The following ATAD2 variants were observed in gnomAD, a reference collection of about 807,000 sequenced individuals.
ATAD2 encodes ATPase family AAA domain-containing protein 2.
Under a neutral mutation model 168.9 loss-of-function variants are expected in ATAD2, and 62 were observed. The observed-to-expected ratio is 0.37, with a 90% CI of 0.30 to 0.45. The LOEUF (loss-of-function observed/expected upper bound fraction) is 0.45, where lower values mean the gene tolerates loss of function less well. ATAD2 is among the 20% of genes least tolerant of loss of function. The probability of loss-of-function intolerance (pLI) is 1.00; values close to 1 mark genes in which losing one functional copy is unlikely to be tolerated. For missense variants in ATAD2, 1,419 were observed against 1,667.8 expected (o/e 0.85, Z 2.60); for synonymous variants, 613 against 571.6 (o/e 1.07, Z -1.03).
At chr8:123,330,443 C>A (rs1827747520) in intron 24 of ATAD2, among the ~76,000 whole-genome samples, 1 of 152,176 alleles carries the variant, frequency 6.6e-6, no homozygotes, top group Non-Finnish European at 1.5e-5. Flanking sequence ...CGGCTCACTG[C>A]AAGCTCCGCC....
Position 123,368,958 on chromosome 8 carries a change from G to T in ATAD2, c.1049+100C>A. The T allele has an allele frequency of 9.1e-6, 5 of 551,688 alleles. No homozygotes were observed. In the South Asian group the frequency reaches 2.0e-4, roughly 22 times the overall value. The allele number at this position is 551,688 out of a possible 1,614,324, so 34.2% of individuals were successfully genotyped here. ...AAGCTCTCCCAAATACACAATTCTA[G>T]AATTTTATCCTAATACACCCAATCC... On this transcript the variant is annotated intron_variant, in intron 8 of 27. Coordinates refer to ENST00000287394, the MANE Select transcript of ATAD2 (RefSeq NM_014109.4).
chr8:123,348,583 A>T (rs1828334926), intron 14 of ATAD2, among the ~76,000 whole-genome samples: 1 of 152,202 alleles, frequency 6.6e-6, no homozygotes, highest in African/African-American at 2.4e-5. Context: ...AGTCTGAGGC[A>T]CGAGAATTGC....
intron 1 of ATAD2, among the ~76,000 whole-genome samples, chr8:123,404,772 C>A (rs1329549308): frequency 1.3e-5 from 2 of 152,064 alleles, no homozygotes; most frequent in Non-Finnish European, 2.9e-5. Flanking sequence ...GAACTCCTGA[C>A]CTCATGATCC....
chr8:123,410,796 C>T (rs1813143348), intron 1 of ATAD2, among the ~76,000 whole-genome samples: 2 of 152,198 alleles, frequency 1.3e-5, no homozygotes, highest in African/African-American at 4.8e-5. Flanking sequence ...GTGGCAGACC[C>T]GCCACTGACT....
At position 123,370,896 on chromosome 8, in the gene ATAD2, G is replaced by T; in HGVS notation, c.727+7C>A. On this transcript the variant is annotated splice_region_variant and intron_variant, in intron 6 of 27. Transcript: ENST00000287394. Reference sequence around the variant, plus strand: ...TCCCAGAAGACAGAACAAGAGAAGAGACTAACCCACACTGCCTTCTTGATT... The same window carrying T: ...TCCCAGAAGACAGAACAAGAGAAGATACTAACCCACACTGCCTTCTTGATT... 6.3e-7 allele frequency: 1 copy of T among 1,582,090 alleles called. No homozygotes were observed. Among genetic ancestry groups the T allele is most frequent in the South Asian group, 1.2e-5 (1 of 86,332 alleles).
intron 24 of ATAD2, among the ~76,000 whole-genome samples, chr8:123,332,371 A>C (rs1827798308): frequency 6.6e-6 from 1 of 152,232 alleles, no homozygotes; most frequent in Admixed American, 6.5e-5. Flanking sequence ...CCAGATTGAG[A>C]AACAGAATAT....
intron 13 of ATAD2, among the ~76,000 whole-genome samples, chr8:123,355,310 T>C (rs1183891287): frequency 6.6e-6 from 1 of 152,180 alleles, no homozygotes; most frequent in Admixed American, 6.6e-5. Flanking sequence ...TATAAAACAA[T>C]ACTACTAGCA....
At position 123,328,280 on chromosome 8, in the gene ATAD2, C is replaced by G; in HGVS notation, c.3778G>C (p.Ala1260Pro). Residue 1260 changes from alanine to proline, a missense_variant, in exon 25 of 28, where the codon GCA becomes CCA. Transcript: ENST00000287394. ...NELEDSRKTT[A>P]CTELRDKIAC... ...ATCTTGTCTCTCAATTCTGTACATG[C>G]TGTAGTCTTCCTAGAGTCTTCAAGC... The G allele has an allele frequency of 6.3e-7, 1 of 1,590,482 alleles. No homozygotes were observed. The highest frequency in any genetic ancestry group is 8.5e-7 in the Non-Finnish European group (1 of 1,170,698).
chr8:123,369,732 T>C, intron 7 of ATAD2, 89 bp downstream of exon 7: 1 of 1,164,738 alleles, frequency 8.6e-7, no homozygotes, highest in Non-Finnish European at 1.2e-6. Flanking sequence ...ATATGAAAAA[T>C]ACCAAAAAGA....
intron 27 of ATAD2, 148 bp from the exon 28 acceptor site, chr8:123,321,323 T>A: frequency 1.5e-6 from 1 of 682,040 alleles, no homozygotes; most frequent in Non-Finnish European, 2.3e-6. Context: ...GTTCAGTATT[T>A]AAGACTGCCA....
chr8:123,356,652 A>ATT (rs1027047443), intron 12 of ATAD2, among the ~76,000 whole-genome samples, 175 bp from the exon 13 acceptor site: 5 of 143,434 alleles, frequency 3.5e-5, no homozygotes, highest in Non-Finnish European at 6.2e-5. Context: ...TTTATATATA[A>ATT]TTTTTTTTTT....
chr8:123,356,887 A>C (rs1828663097), intron 12 of ATAD2, among the ~76,000 whole-genome samples: 1 of 152,050 alleles, frequency 6.6e-6, no homozygotes, highest in Admixed American at 6.6e-5. Flanking sequence ...TTTCAATTGC[A>C]TTTTCAACCA....
chr8:123,328,181 A>C lies in ATAD2; in HGVS notation c.3868+9T>G. ...AATCAGTAAATTATTTTAATTGAAA[A>C]AGACGTACCTTTTCCTTCATTTTCA... On this transcript the variant is annotated intron_variant, in intron 25 of 27. Transcript: ENST00000287394. The C allele has an allele frequency of 2.9e-6, 4 of 1,363,308 alleles. No homozygotes were observed. The highest frequency in any genetic ancestry group is 3.8e-6 in the Non-Finnish European group (4 of 1,053,276). 84.5% of individuals were successfully genotyped at this position (1,363,308 alleles called of 1,614,324 possible).
chr8:123,371,087 C>T (rs1829137297), intron 5 of ATAD2, 97 bp from the exon 6 acceptor site: 2 of 1,125,566 alleles, frequency 1.8e-6, no homozygotes, highest in Non-Finnish European at 2.5e-6. Flanking sequence ...AAGATATTTA[C>T]AGCCATAAAC....
intron 8 of ATAD2, among the ~76,000 whole-genome samples, chr8:123,366,836 G>C (rs1038985179): frequency 4.0e-5 from 6 of 151,154 alleles, no homozygotes; most frequent in Non-Finnish European, 5.9e-5. Context: ...CACTACTGAA[G>C]AACTTACTCA....
upstream of ATAD2, among the ~76,000 whole-genome samples, chr8:123,396,654 C>G (rs373130755): frequency 7.2e-5 from 11 of 152,334 alleles, no homozygotes; most frequent in African/African-American, 2.6e-4. Context: ...ACGCTGACTT[C>G]TTTTTCTTCA....
At chr8:123,347,454 G>A (rs530864988) in intron 15 of ATAD2, 48 bp from the exon 16 acceptor site, 20 of 1,473,076 alleles carry the variant, frequency 1.4e-5, no homozygotes, top group East Asian at 4.6e-5. Flanking sequence ...ACCAAACAAA[G>A]AAACACAAAA....
intron 1 of ATAD2, among the ~76,000 whole-genome samples, chr8:123,393,087 AAGC>A (rs557202714): frequency 3.1e-4 from 47 of 151,990 alleles, no homozygotes; most frequent in African/African-American, 1.1e-3. Context: ...CGGGAGGCTG[AAGC>A]AGGAGAATGG....
rs558245160 is a variant in ATAD2, at chr8:123,351,419, A to G, written c.1647-1975T>C. ...GCTGCCCCCACCAGTTGTGACAACCATAACTGTCTCTAGATATCTGTCCCT... is the reference window on the plus strand; with the variant it reads ...GCTGCCCCCACCAGTTGTGACAACCGTAACTGTCTCTAGATATCTGTCCCT... On this transcript the variant is annotated intron_variant, in intron 13 of 27. Coordinates refer to ENST00000287394, the MANE Select transcript of ATAD2 (RefSeq NM_014109.4). 2.3e-4 allele frequency among the ~76,000 whole-genome samples: 35 copies of G among 152,320 alleles called. No homozygotes were observed. The East Asian group carries it at 6.4e-3, about 28-fold the overall frequency.
Sources: gnomAD v4.1 joint callset for allele counts (sites outside exome capture counted in the v4.1 genomes callset) on GRCh38, gnomAD v4.1.1 for gene constraint, MANE v1.5 for transcripts, NCBI Gene and HGNC (gene_info 2026-07-23, HGNC 2026-07-21) for gene names.